Variants in CREB5 observed in about 807,000 individuals in gnomAD.
The protein encoded by CREB5 is cAMP responsive element binding protein 5, also known as cyclic AMP-responsive element-binding protein 5.
Under a neutral mutation model 57.1 loss-of-function variants are expected in CREB5, and 19 were observed. The ratio of observed to expected loss-of-function variants is 0.33; its 90% confidence interval spans 0.23 to 0.49. CREB5 has a LOEUF of 0.49. Among genes scored for constraint, CREB5 ranks in the 20% least tolerant of loss-of-function variants. CREB5 has a pLI of 0.99. For synonymous variants in CREB5, 238 were observed against 238.3 expected (o/e 1.00, Z 0.01); for missense variants, 579 against 671.6 (o/e 0.86, Z 1.52).
chr7:28,643,946 G>A (rs1260521973), intron 5 of CREB5, among the ~76,000 whole-genome samples: 2 of 152,010 alleles, frequency 1.3e-5, no homozygotes, highest in Admixed American at 1.3e-4. Context: ...GGGCATGGTG[G>A]TGTGTACCTA....
At chr7:28,361,084 A>T (rs1019982495) in intron 1 of CREB5, among the ~76,000 whole-genome samples, 1 of 152,184 alleles carries the variant, frequency 6.6e-6, no homozygotes, top group African/African-American at 2.4e-5. Context: ...CCTGAGGCTA[A>T]ACACCTCTGA....
At chr7:28,750,598 TA>T (rs1804927024) in intron 7 of CREB5, among the ~76,000 whole-genome samples, 2 of 105,908 alleles carry the variant, frequency 1.9e-5, no homozygotes, top group African/African-American at 7.5e-5. Context: ...ATACGAAATA[TA>T]TCACTTTTTT....
chr7:28,597,506 G>A (rs310353), intron 5 of CREB5, among the ~76,000 whole-genome samples: 73,281 of 152,064 alleles, frequency 0.48, 18,454 homozygotes, highest in Non-Finnish European at 0.55. Context: ...TCCAGATCAG[G>A]AAAGATAAAC....
intron 5 of CREB5, among the ~76,000 whole-genome samples, chr7:28,696,772 ATATATATACACATACGTATACGTATACG>A (rs1349150665): frequency 0.012 from 1,779 of 149,898 alleles, 35 homozygotes; most frequent in African/African-American, 0.04. Context: ...ACACATATAC[ATATATATACACATACGTATACGTATACG>A]TATATATACA....
rs116395827 is a variant in CREB5 at position 28,378,679 on chromosome 7, T to C, written c.-25+79238T>C. 5.1e-3 allele frequency among the ~76,000 whole-genome samples: 777 copies of C among 152,332 alleles called. 6 individuals carry two copies. Among genetic ancestry groups the C allele is most frequent in the African/African-American group, 0.017 (722 of 41,564 alleles). On this transcript the variant is annotated intron_variant, in intron 1 of 9. Coordinates refer to the CREB5 transcript ENST00000396299. ...CTTTTGTGTGTTCATCCATCACTAA[T>C]TGAAATTTTAGACTGCATAAACCAT... is the stretch of plus-strand genomic sequence containing the variant.
chr7:28,381,825 G>T (rs1000397359), intron 1 of CREB5, among the ~76,000 whole-genome samples: 2 of 152,194 alleles, frequency 1.3e-5, no homozygotes, highest in Admixed American at 6.5e-5. Context: ...CTTATGTCTT[G>T]TTACATTGTG....
intron 5 of CREB5, among the ~76,000 whole-genome samples, chr7:28,661,780 G>A (rs771607700): frequency 3.3e-5 from 5 of 152,112 alleles, no homozygotes; most frequent in South Asian, 2.1e-4. Context: ...CCTCTCTTGC[G>A]CTTACAGAAA....
chr7:28,537,216 TATGAGATAC>T (rs1444110902), intron 4 of CREB5, among the ~76,000 whole-genome samples: 1 of 152,236 alleles, frequency 6.6e-6, no homozygotes, highest in African/African-American at 2.4e-5. Flanking sequence ...GACATGATGT[TATGAGATAC>T]ATGAGATACA....
chr7:28,367,009 G>A (rs182130741), intron 1 of CREB5, among the ~76,000 whole-genome samples: 38 of 150,390 alleles, frequency 2.5e-4, no homozygotes, highest in African/African-American at 7.7e-4. Context: ...TCTGAAAATC[G>A]CTCTCCTTAA....
At chr7:28,638,968 A>T (rs2128698679) in intron 5 of CREB5, among the ~76,000 whole-genome samples, 1 of 152,308 alleles carries the variant, frequency 6.6e-6, no homozygotes, top group Admixed American at 6.5e-5. Context: ...GAGGAAAATT[A>T]ACAGATCTGC....
chr7:28,428,189 G>T (rs768777297), intron 1 of CREB5, among the ~76,000 whole-genome samples: 1 of 152,330 alleles, frequency 6.6e-6, no homozygotes, highest in South Asian at 2.1e-4. Flanking sequence ...TGGATGGTGT[G>T]CTTGAGGAAC....
At chr7:28,310,496 A>G (rs1001149745) in intron 1 of CREB5, among the ~76,000 whole-genome samples, 1 of 152,212 alleles carries the variant, frequency 6.6e-6, no homozygotes, top group Non-Finnish European at 1.5e-5. Flanking sequence ...GAAGACAGAG[A>G]TGGGTGGAGT....
rs941127979 is a variant in CREB5, at chr7:28,421,610, C to T, written c.3+8693C>T. The stretch of plus-strand genomic sequence containing the variant: ...ATCCAGGGTAGCTAAAAGCTAGGCA[C>T]GTAACACTGCATGCCTCTTTTCTGG... On this transcript the variant is annotated intron_variant, in intron 1 of 10. Coordinates refer to ENST00000357727, the MANE Select transcript of CREB5 (RefSeq NM_182898.4). 4.0e-5 allele frequency among the ~76,000 whole-genome samples: 6 copies of T among 151,824 alleles called. No homozygotes were observed. The East Asian group carries it at 5.8e-4, about 15-fold the overall frequency.
At chr7:28,419,839 G>A (rs186172771) in intron 1 of CREB5, among the ~76,000 whole-genome samples, 1 of 152,342 alleles carries the variant, frequency 6.6e-6, no homozygotes, top group Non-Finnish European at 1.5e-5. Flanking sequence ...GAGAAGGCCT[G>A]TCTAAGCACA....
In CREB5 at chr7:28,350,598, C is replaced by T. The variant is rs140765747; in HGVS notation, c.-25+51157C>T. ...AGCAAACAAAAAACAAACAAACAAA[C>T]GAAACGTCTGCTAGAATTTCTGGAA... is the stretch of plus-strand genomic sequence containing the variant. On this transcript the variant is annotated intron_variant, in intron 1 of 9. Coordinates refer to the CREB5 transcript ENST00000396299. Among the ~76,000 whole-genome samples the T allele has an allele frequency of 1.2e-4, 18 of 151,914 alleles. No individual in the cohort carries two copies. The East Asian group carries it at 1.4e-3, about 11-fold the overall frequency.
chr7:28,580,394 G>T (rs1796071909), intron 5 of CREB5, among the ~76,000 whole-genome samples: 1 of 147,586 alleles, frequency 6.8e-6, no homozygotes, highest in Non-Finnish European at 1.5e-5. Flanking sequence ...GGGGCATGTG[G>T]TGTCAACTGC....
intron 5 of CREB5, among the ~76,000 whole-genome samples, chr7:28,592,266 A>T (rs532260034): frequency 6.6e-6 from 1 of 152,328 alleles, no homozygotes; most frequent in African/African-American, 2.4e-5. Context: ...CTCAAATAAC[A>T]CAAAACCAGA....
intron 7 of CREB5, among the ~76,000 whole-genome samples, chr7:28,739,953 T>C (rs985899029): frequency 6.6e-6 from 1 of 152,198 alleles, no homozygotes; most frequent in Non-Finnish European, 1.5e-5. Flanking sequence ...AATAGAGATC[T>C]CATTCGGCCG....
chr7:28,620,362 C>A lies in CREB5; in HGVS notation c.464+49825C>A, dbSNP rs971218861. ...CCATTTGGAAGAGGGGGGTGCCACT[C>A]ATACCTAGTGTCTCAGTGAACAGTG... On this transcript the variant is annotated intron_variant, in intron 5 of 10. Coordinates refer to ENST00000357727, the MANE Select transcript of CREB5 (RefSeq NM_182898.4). Among the ~76,000 whole-genome samples, 4 of 152,236 alleles carry A rather than the reference C, an allele frequency of 2.6e-5. No homozygotes were observed. In the East Asian group the frequency reaches 7.7e-4, roughly 29 times the overall value.
Sources: allele counts gnomAD v4.1 joint callset (sites outside exome capture counted in the v4.1 genomes callset), GRCh38; gene constraint gnomAD v4.1.1; transcripts MANE v1.5; gene names NCBI Gene and HGNC (gene_info 2026-07-23, HGNC 2026-07-21).